The following PRMT9 variants were observed in gnomAD, a reference collection of about 807,000 sequenced individuals.
The protein encoded by PRMT9 is protein arginine N-methyltransferase 9.
PRMT9 carries 59 observed loss-of-function variants against 83.2 expected under a neutral mutation model. The observed-to-expected ratio is 0.71, with a 90% CI of 0.57 to 0.88. The LOEUF is 0.88. Ranked by LOEUF, PRMT9 falls within the 40% of genes least tolerant of loss-of-function variation. PRMT9 has a pLI of 0.00. For missense variants in PRMT9, 947 were observed against 1,021.9 expected (o/e 0.93, Z 1.00); for synonymous variants, 333 against 353.2 (o/e 0.94, Z 0.64).
Position 147,661,108 on chromosome 4 carries a change from C to T in PRMT9, c.954-70G>A. 9 of 969,326 alleles carry T rather than the reference C, an allele frequency of 9.3e-6. No homozygotes were observed. In the South Asian group the frequency reaches 1.2e-4, roughly 13 times the overall value. The allele number at this position is 969,326 out of a possible 1,614,324, so 60.0% of individuals were successfully genotyped here. ...TTAGAATCAAGTAACATATCTAATA[C>T]TGAGTCCAGAAAAAAATACAAAAAT... is the stretch of plus-strand genomic sequence containing the variant. On this transcript the variant is annotated intron_variant, in intron 6 of 11. Coordinates refer to ENST00000322396, the MANE Select transcript of PRMT9 (RefSeq NM_138364.4).
chr4:147,667,247 A>C (rs898663022), intron 6 of PRMT9, among the ~76,000 whole-genome samples: 1 of 152,250 alleles, frequency 6.6e-6, no homozygotes, highest in Admixed American at 6.5e-5. Context: ...TCCACAAGAC[A>C]TAAGTGCAAA....
At position 147,638,445 on chromosome 4, in the gene PRMT9, G is replaced by A; in HGVS notation, c.*87C>T. Reference sequence around the variant, plus strand: ...TTAAAAAATATTTGACCATTACAAGGAATTTTTATATACCCCCACTAATTA... The same window carrying A: ...TTAAAAAATATTTGACCATTACAAGAAATTTTTATATACCCCCACTAATTA... On this transcript the variant is annotated 3_prime_UTR_variant, in exon 12 of 12. Coordinates refer to ENST00000322396, the MANE Select transcript of PRMT9 (RefSeq NM_138364.4). 1 of 959,704 alleles carries A rather than the reference G, an allele frequency of 1.0e-6. No individual in the cohort carries two copies. The highest frequency in any genetic ancestry group is 1.3e-5 in the South Asian group (1 of 75,786). 59.4% of individuals were successfully genotyped at this position (959,704 alleles called of 1,614,324 possible). A position where few individuals can be genotyped will look rare whatever the true frequency, so the allele number is the denominator to read the frequency against.
chr4:147,665,627 T>C (rs1735276844), intron 6 of PRMT9, among the ~76,000 whole-genome samples: 1 of 152,180 alleles, frequency 6.6e-6, no homozygotes, highest in African/African-American at 2.4e-5. Flanking sequence ...AATCAGCCAT[T>C]GCTCCAAGAA....
In PRMT9 at chr4:147,642,794, T is replaced by C; in HGVS notation, c.2192A>G (p.Gln731Arg). The change falls in exon 10 of 12, where the codon CAG becomes CGG. Residue 731 changes from glutamine (Q) to arginine (R), a missense_variant. Coordinates refer to ENST00000322396, the MANE Select transcript of PRMT9 (RefSeq NM_138364.4). ...LGLNIAPFIN[Q>R]FQVPIRVFLD... ...TCTCCTCTAGACACTTACCTGAAAC[T>C]GGTTAATAAAAGGTGCTATATTTAA... is the stretch of plus-strand genomic sequence containing the variant. The C allele has an allele frequency of 6.2e-7, 1 of 1,613,486 alleles. No individual in the cohort carries two copies. Among genetic ancestry groups the C allele is most frequent in the South Asian group, 1.1e-5 (1 of 91,072 alleles).
intron 10 of PRMT9, among the ~76,000 whole-genome samples, chr4:147,641,695 T>C (rs1733413172): frequency 6.6e-6 from 1 of 152,172 alleles, no homozygotes; most frequent in African/African-American, 2.4e-5. Context: ...AATTTGTTAC[T>C]CTATCACCCA....
At chr4:147,653,277 C>T (rs1268344178) in intron 9 of PRMT9, among the ~76,000 whole-genome samples, 5 of 151,812 alleles carry the variant, frequency 3.3e-5, no homozygotes, top group Admixed American at 1.3e-4. Flanking sequence ...GGTGAAACCC[C>T]GTCTCTACTA....
chr4:147,671,063 T>C (rs1735695945), intron 4 of PRMT9, among the ~76,000 whole-genome samples: 1 of 152,136 alleles, frequency 6.6e-6, no homozygotes, highest in East Asian at 1.9e-4. Flanking sequence ...TTAAGAGTGG[T>C]TCACACCCAT....
chr4:147,654,030 A>G lies in PRMT9; in HGVS notation c.1867T>C (p.Ser623Pro), dbSNP rs1734305179. 1 of 1,614,218 alleles carries G rather than the reference A, an allele frequency of 6.2e-7. No homozygotes were observed. Among genetic ancestry groups the G allele is most frequent in the Non-Finnish European group, 8.5e-7 (1 of 1,180,038 alleles). ...TCTTTAGGAAAGTGATTGGCTTCAGATATGAGGTCCAGAGCAATACGATGC... is the reference window on the plus strand; with the variant it reads ...TCTTTAGGAAAGTGATTGGCTTCAGGTATGAGGTCCAGAGCAATACGATGC... ...DQHRIALDLI[S>P]EANHFPKETL... The change falls in exon 9 of 12, where the codon TCT becomes CCT. Residue 623 changes from serine (S) to proline (P), a missense_variant. Transcript: ENST00000322396.
chr4:147,678,059 T>G (rs762901626), intron 2 of PRMT9, among the ~76,000 whole-genome samples: 13 of 152,084 alleles, frequency 8.5e-5, no homozygotes, highest in Non-Finnish European at 1.5e-4. Context: ...GTACATACAC[T>G]GCATTCCCAG....
chr4:147,660,835 AT>A lies in PRMT9; in HGVS notation c.1146+10del. The A allele has an allele frequency of 6.3e-7, 1 of 1,592,168 alleles. No individual in the cohort carries two copies. The highest frequency in any genetic ancestry group is 8.6e-7 in the Non-Finnish European group (1 of 1,160,346). On this transcript the variant is annotated intron_variant, in intron 7 of 11. Coordinates refer to ENST00000322396, the MANE Select transcript of PRMT9 (RefSeq NM_138364.4). Reference sequence around the variant, plus strand: ...TTTAATGCTTGAAAATAGTAACTGAATTTTTTTCACCTGAAGGTTGTTGAAA... The same window carrying A: ...TTTAATGCTTGAAAATAGTAACTGAATTTTTTCACCTGAAGGTTGTTGAAA...
At position 147,638,590 on chromosome 4, in the gene PRMT9, T is replaced by C. The variant is rs148609613; in HGVS notation, c.2480A>G (p.Glu827Gly). 6 of 1,613,822 alleles carry C rather than the reference T, an allele frequency of 3.7e-6. No individual in the cohort carries two copies. The highest frequency in any genetic ancestry group is 5.1e-6 in the Non-Finnish European group (6 of 1,179,886). ...GTGATGCTGAATGCTGAGTACAAGT[T>C]CCTCTCCCATTTCAACCTGGATGGG... ...DNPIQVEMGE[E>G]LVLSIQHHKS... The change falls in exon 12 of 12, where the codon GAA becomes GGA. Residue 827 changes from glutamate to glycine, a missense_variant. Coordinates refer to ENST00000322396, the MANE Select transcript of PRMT9 (RefSeq NM_138364.4).
intron 2 of PRMT9, among the ~76,000 whole-genome samples, chr4:147,679,981 C>A (rs1419964775): frequency 3.3e-5 from 5 of 152,120 alleles, no homozygotes. Flanking sequence ...ATACCCAGGT[C>A]CAGAAAACAA....
chr4:147,673,593 C>T (rs1484993111), intron 3 of PRMT9, 45 bp downstream of exon 3: 2 of 1,178,622 alleles, frequency 1.7e-6, no homozygotes, highest in South Asian at 1.2e-5. Flanking sequence ...CTTTAATTTA[C>T]ATTAGAATAC....
At chr4:147,670,213 C>A (rs981028087) in intron 5 of PRMT9, among the ~76,000 whole-genome samples, 3 of 152,034 alleles carry the variant, frequency 2.0e-5, no homozygotes, top group Non-Finnish European at 4.4e-5. Context: ...GAGTTTCGCT[C>A]TTGTTGCCCA....
Position 147,684,076 on chromosome 4 carries a change from A to C in PRMT9, c.-89T>G. ...GATGCTACACTTCCAGGGACCAGAC[A>C]ACTGCTCAAAAAACAGCACAGCAAA... On this transcript the variant is annotated 5_prime_UTR_variant, in exon 1 of 12. Coordinates refer to ENST00000322396, the MANE Select transcript of PRMT9 (RefSeq NM_138364.4). 7.2e-7 allele frequency: 1 copy of C among 1,395,020 alleles called. No individual in the cohort carries two copies. The allele number at this position is 1,395,020 out of a possible 1,614,324, so 86.4% of individuals were successfully genotyped here. A position where few individuals can be genotyped will look rare whatever the true frequency, so the allele number is the denominator to read the frequency against.
Position 147,638,214 on chromosome 4 carries a change from A to G in PRMT9, c.*318T>C, listed in dbSNP as rs116181007. On this transcript the variant is annotated 3_prime_UTR_variant, in exon 12 of 12. Transcript: ENST00000322396. The stretch of plus-strand genomic sequence containing the variant: ...TAAGAAAAAAGGCCAAGATGCCTAC[A>G]AAAGTAAAGTTTTGCTTTACTTACA... The G allele has an allele frequency of 0.018, 5,449 of 309,166 alleles. 70 individuals are homozygous for G. Among genetic ancestry groups the G allele is most frequent in the Non-Finnish European group, 0.026 (4,276 of 163,140 alleles). The allele number at this position is 309,166 out of a possible 1,614,324, so 19.2% of individuals were successfully genotyped here.
chr4:147,643,009 T>C (rs2654945), intron 9 of PRMT9, 69 bp from the exon 10 acceptor site: 164 of 1,474,476 alleles, frequency 1.1e-4, no homozygotes, highest in Non-Finnish European at 1.4e-4. Context: ...CCTGTAATCC[T>C]AGCACTTTGG....
intron 2 of PRMT9, 44 bp downstream of exon 2, chr4:147,680,279 A>T: frequency 6.3e-7 from 1 of 1,575,938 alleles, no homozygotes; most frequent in Non-Finnish European, 8.7e-7. Flanking sequence ...ATCCAGACTA[A>T]TACAGAATAA....
intron 9 of PRMT9, among the ~76,000 whole-genome samples, chr4:147,644,537 G>GT (rs1560967887): frequency 6.2e-5 from 2 of 32,236 alleles, no homozygotes; most frequent in Non-Finnish European, 1.3e-4. Flanking sequence ...ACTGCTTATG[G>GT]TTAAAAAAAA....
Sources: allele counts gnomAD v4.1 joint callset (sites outside exome capture counted in the v4.1 genomes callset), GRCh38; gene constraint gnomAD v4.1.1; transcripts MANE v1.5; gene names NCBI Gene and HGNC (gene_info 2026-07-23, HGNC 2026-07-21).